The following LRRTM4 variants were observed in gnomAD, a reference collection of about 807,000 sequenced individuals.
The protein encoded by LRRTM4 is leucine-rich repeat transmembrane neuronal protein 4.
A neutral mutation model predicts 47.6 loss-of-function variants in LRRTM4; 25 were observed. The observed-to-expected ratio is 0.53, with a 90% CI of 0.38 to 0.73. The LOEUF is 0.73. Ranked by LOEUF, LRRTM4 falls within the 30% of genes least tolerant of loss-of-function variation. The pLI, the probability that LRRTM4 is intolerant of heterozygous loss-of-function variation, is 0.00. For synonymous variants in LRRTM4, 311 were observed against 269.5 expected (o/e 1.15, Z -1.51); for missense variants, 638 against 713.4 (o/e 0.89, Z 1.20).
chr2:77,103,740 C>T (rs572207351), intron 3 of LRRTM4, among the ~76,000 whole-genome samples: 8 of 149,244 alleles, frequency 5.4e-5, no homozygotes, highest in African/African-American at 2.0e-4. Context: ...TAAAGCAATA[C>T]TTGAAGACAG....
intron 3 of LRRTM4, among the ~76,000 whole-genome samples, chr2:77,156,757 G>C (rs1355860242): frequency 1.3e-5 from 2 of 149,038 alleles, no homozygotes; most frequent in African/African-American, 5.0e-5. Flanking sequence ...ACCCAGGCTA[G>C]AGTGCAGTGG....
At position 76,899,077 on chromosome 2, in the gene LRRTM4, A is replaced by G. The variant is rs1424195163; in HGVS notation, c.1552-150161T>C. ...TAAGCTACACAGTTGAAGAAATATG[A>G]GACTCTTATGTAACTCCTTACATCA... On this transcript the variant is annotated intron_variant, in intron 3 of 3. Transcript: ENST00000409884. Among the ~76,000 whole-genome samples the G allele has an allele frequency of 2.6e-5, 4 of 152,158 alleles. No individual in the cohort carries two copies. The East Asian group carries it at 5.8e-4, about 22-fold the overall frequency.
chr2:77,457,048 A>ATATATATATATATG (rs1374730571), intron 3 of LRRTM4, among the ~76,000 whole-genome samples: 3 of 14,650 alleles, frequency 2.0e-4, no homozygotes, highest in African/African-American at 5.1e-4. Flanking sequence ...ATATATATAT[A>ATATATATATATATG]TATGTATAAC....
chr2:77,409,298 T>C (rs191016890), intron 3 of LRRTM4, among the ~76,000 whole-genome samples: 131 of 152,306 alleles, frequency 8.6e-4, no homozygotes, highest in Admixed American at 4.0e-3. Context: ...AGAACGGAAT[T>C]CTATTTTCTT....
intron 3 of LRRTM4, among the ~76,000 whole-genome samples, chr2:77,079,377 A>T (rs1481749246): frequency 2.6e-5 from 4 of 152,172 alleles, no homozygotes; most frequent in Admixed American, 6.5e-5. Context: ...GTGCCTACTG[A>T]TTTACATATT....
At chr2:77,318,265 C>T (rs1677677911) in intron 3 of LRRTM4, among the ~76,000 whole-genome samples, 1 of 152,188 alleles carries the variant, frequency 6.6e-6, no homozygotes, top group Admixed American at 6.5e-5. Flanking sequence ...CTTGGCCTCC[C>T]AAAGTGTTGG....
intron 3 of LRRTM4, among the ~76,000 whole-genome samples, chr2:76,941,818 GCA>G (rs1558752260): frequency 6.6e-6 from 1 of 152,122 alleles, no homozygotes; most frequent in East Asian, 1.9e-4. Flanking sequence ...AATCCTTTGG[GCA>G]TATACCCAGT....
chr2:77,298,427 G>T (rs949938007), intron 3 of LRRTM4, among the ~76,000 whole-genome samples: 1 of 152,020 alleles, frequency 6.6e-6, no homozygotes, highest in Non-Finnish European at 1.5e-5. Flanking sequence ...TAGTGGAGAC[G>T]GGGTGTTCAC....
At chr2:77,347,947 T>C (rs1466797142) in intron 3 of LRRTM4, among the ~76,000 whole-genome samples, 1 of 151,724 alleles carries the variant, frequency 6.6e-6, no homozygotes. Context: ...TATTACATAA[T>C]TGGGTGCTCA....
chr2:76,998,769 G>GTTTTTTTTTT (rs544805115), intron 3 of LRRTM4, among the ~76,000 whole-genome samples: 1 of 138,772 alleles, frequency 7.2e-6, no homozygotes. Flanking sequence ...TATATTTTCT[G>GTTTTTTTTTT]TTTTTTTTTT....
rs550455043 is a variant in LRRTM4, at chr2:76,940,594, G to A, written c.1552-191678C>T. On this transcript the variant is annotated intron_variant, in intron 3 of 3. Coordinates refer to ENST00000409884, the MANE Select transcript of LRRTM4 (RefSeq NM_001134745.3). ...TGTACAACAAACCCCCATGACACGA[G>A]TTTACCTATAGAACAAACAGGCACA... Among the ~76,000 whole-genome samples, 14 of 152,208 alleles carry A rather than the reference G, an allele frequency of 9.2e-5. No homozygotes were observed. The South Asian group carries it at 1.2e-3, about 14-fold the overall frequency.
At chr2:76,821,663 G>A (rs1332461597) in intron 3 of LRRTM4, among the ~76,000 whole-genome samples, 1 of 151,672 alleles carries the variant, frequency 6.6e-6, no homozygotes, top group Non-Finnish European at 1.5e-5. Context: ...TGACTTCTCT[G>A]GCTTTTTATT....
intron 3 of LRRTM4, among the ~76,000 whole-genome samples, chr2:77,128,016 G>A (rs914226544): frequency 2.0e-5 from 3 of 151,992 alleles, no homozygotes; most frequent in South Asian, 2.1e-4. Context: ...AGTGGCGCAC[G>A]CCTGTAATCC....
intron 3 of LRRTM4, among the ~76,000 whole-genome samples, chr2:77,255,195 C>A (rs1024686233): frequency 2.6e-5 from 4 of 151,842 alleles, no homozygotes; most frequent in African/African-American, 9.7e-5. Flanking sequence ...CATTACATAG[C>A]GATAAAAGGG....
chr2:77,121,931 T>G (rs1486419947), intron 3 of LRRTM4, among the ~76,000 whole-genome samples: 4 of 151,900 alleles, frequency 2.6e-5, no homozygotes, highest in African/African-American at 2.4e-5. Flanking sequence ...TTATTCTGAA[T>G]GTTATTTTGT....
intron 3 of LRRTM4, among the ~76,000 whole-genome samples, chr2:77,354,301 C>T (rs1237631572): frequency 1.3e-5 from 2 of 152,058 alleles, no homozygotes; most frequent in Non-Finnish European, 2.9e-5. Flanking sequence ...TAAAAGAGCT[C>T]CAGGCTAGGA....
chr2:77,294,085 A>T (rs1676903364), intron 3 of LRRTM4, among the ~76,000 whole-genome samples: 1 of 152,174 alleles, frequency 6.6e-6, no homozygotes, highest in Admixed American at 6.6e-5. Flanking sequence ...ATGTGTGTAC[A>T]TCAAAAACAT....
intron 3 of LRRTM4, among the ~76,000 whole-genome samples, chr2:76,848,284 A>G (rs937177958): frequency 6.6e-6 from 1 of 152,070 alleles, no homozygotes; most frequent in Non-Finnish European, 1.5e-5. Context: ...AATTTTCCCA[A>G]TTGATTCCTT....
At chr2:77,342,222 A>G (rs1389747946) in intron 3 of LRRTM4, among the ~76,000 whole-genome samples, 1 of 152,004 alleles carries the variant, frequency 6.6e-6, no homozygotes, top group African/African-American at 2.4e-5. Flanking sequence ...AACAAATGTT[A>G]GAAGTCAATA....
Sources: gnomAD v4.1 joint callset for allele counts (sites outside exome capture counted in the v4.1 genomes callset) on GRCh38, gnomAD v4.1.1 for gene constraint, MANE v1.5 for transcripts, NCBI Gene and HGNC (gene_info 2026-07-23, HGNC 2026-07-21) for gene names.